The following SYTL1 variants were observed in gnomAD, a reference collection of about 807,000 sequenced individuals.
The protein encoded by SYTL1 is synaptotagmin like 1, also known as synaptotagmin-like protein 1.
SYTL1 carries 53 observed loss-of-function variants against 74.6 expected under a neutral mutation model. The ratio of observed to expected loss-of-function variants is 0.71; its 90% CI spans 0.57 to 0.89. SYTL1 has a LOEUF of 0.89. Ranked by LOEUF, SYTL1 falls within the 40% of genes least tolerant of loss-of-function variation. The probability of loss-of-function intolerance (pLI) is 0.00; values close to 1 mark genes in which losing one functional copy is unlikely to be tolerated. For missense variants in SYTL1, 728 were observed against 768.7 expected (o/e 0.95, Z 0.63); for synonymous variants, 329 against 324.9 (o/e 1.01, Z -0.14).
Position 27,350,554 on chromosome 1 carries a change from G to T in SYTL1, c.1005+69G>T. The T allele has an allele frequency of 7.4e-7, 1 of 1,354,380 alleles. No individual in the cohort carries two copies. The highest frequency in any genetic ancestry group is 1.0e-6 in the Non-Finnish European group (1 of 965,772). The allele number at this position is 1,354,380 out of a possible 1,614,324, so 83.9% of individuals were successfully genotyped here. Reference sequence around the variant, plus strand: ...CGCCCCCTTCCTGCGGGGCTAGGTGGCAAGGGCAGCCAGTAACGTCATTGC... The same window carrying T: ...CGCCCCCTTCCTGCGGGGCTAGGTGTCAAGGGCAGCCAGTAACGTCATTGC... On this transcript the variant is annotated intron_variant, in intron 10 of 14. Transcript: ENST00000616558. The surrounding 1 kb of genome is among the most constrained non-coding windows in gnomAD (Gnocchi z 6.3).
chr1:27,349,871 C>A (rs762937421), intron 8 of SYTL1, 101 bp from the exon 9 acceptor site: 125 of 1,534,586 alleles, frequency 8.1e-5, no homozygotes, highest in Admixed American at 1.9e-5. Context: ...TGCAGCCCCC[C>A]AGCCTGCCAC....
intron 13 of SYTL1, chr1:27,353,023 T>G: frequency 2.1e-6 from 1 of 478,658 alleles, no homozygotes; most frequent in South Asian, 2.2e-5. Context: ...TGACCTCAGG[T>G]GATCCACCCA....
Position 27,345,190 on chromosome 1 carries a change from G to C in SYTL1, c.-38-107G>C. The stretch of plus-strand genomic sequence containing the variant: ...CCTTGAGCTCAGCCATCCTGGGGTG[G>C]CACCCTACCCATACCCGGCCAAGTG... On this transcript the variant is annotated intron_variant, in intron 1 of 14. Transcript: ENST00000616558. This position sits in a 1 kb window ranked among gnomAD's most constrained non-coding sequence, Gnocchi z 6.0. The C allele has an allele frequency of 6.8e-6, 4 of 588,516 alleles. No individual in the cohort carries two copies. The South Asian group carries it at 1.0e-4, about 15-fold the overall frequency. The allele number at this position is 588,516 out of a possible 1,614,324, so 36.5% of individuals were successfully genotyped here.
chr1:27,345,168 T>G lies in SYTL1; in HGVS notation c.-38-129T>G. On this transcript the variant is annotated intron_variant, in intron 1 of 14. Coordinates refer to ENST00000616558, the MANE Select transcript of SYTL1 (RefSeq NM_001193308.2). This position sits in a 1 kb window ranked among gnomAD's most constrained non-coding sequence, Gnocchi z 6.0. ...TGCATGAGTGTCTCTCACCCCACCTTGAGCTCAGCCATCCTGGGGTGGCAC... is the reference window on the plus strand; with the variant it reads ...TGCATGAGTGTCTCTCACCCCACCTGGAGCTCAGCCATCCTGGGGTGGCAC... 8 of 533,842 alleles carry G rather than the reference T, an allele frequency of 1.5e-5. No homozygotes were observed. Among genetic ancestry groups the G allele is most frequent in the East Asian group, 6.5e-5 (2 of 30,842 alleles). 33.1% of individuals were successfully genotyped at this position (533,842 alleles called of 1,614,324 possible). A position where few individuals can be genotyped will look rare whatever the true frequency, so the allele number is the denominator to read the frequency against.
rs2015253529 is a variant in SYTL1, at chr1:27,351,157, C to T, written c.1165-101C>T. On this transcript the variant is annotated intron_variant, in intron 11 of 14. Transcript: ENST00000616558. The surrounding 1 kb of genome is among the most constrained non-coding windows in gnomAD (Gnocchi z 5.0). ...CCCTAGGTTCTGCCCCTGCAGGCCC[C>T]GCCGTCTCTTCTAGCCGCACCCCAT... 9 of 1,423,590 alleles carry T rather than the reference C, an allele frequency of 6.3e-6. No homozygotes were observed. The South Asian group carries it at 1.0e-4, about 16-fold the overall frequency. The allele number at this position is 1,423,590 out of a possible 1,614,324, so 88.2% of individuals were successfully genotyped here. A position where few individuals can be genotyped will look rare whatever the true frequency, so the allele number is the denominator to read the frequency against.
chr1:27,350,688 G>T lies in SYTL1; in HGVS notation c.1006-106G>T, dbSNP rs1363679059. 7.1e-7 allele frequency: 1 copy of T among 1,406,016 alleles called. No individual in the cohort carries two copies. The highest frequency in any genetic ancestry group is 1.9e-4 in the Middle Eastern group (1 of 5,320). The allele number at this position is 1,406,016 out of a possible 1,614,324, so 87.1% of individuals were successfully genotyped here. On this transcript the variant is annotated intron_variant, in intron 10 of 14. Coordinates refer to ENST00000616558, the MANE Select transcript of SYTL1 (RefSeq NM_001193308.2). This position sits in a 1 kb window ranked among gnomAD's most constrained non-coding sequence, Gnocchi z 6.3. ...CATTAATGCCCTTAGGGGCTCCCCA[G>T]AATTCCATCATGGTAGGAACGCGGT...
chr1:27,351,468 C>T lies in SYTL1; in HGVS notation c.1256C>T (p.Pro419Leu). Reference sequence around the variant, plus strand: ...AGCCTCTCCGCAGGCGCAGGACTGCCCCCGAGCGGGGAGCTGCACTTCTGG... The same window carrying T: ...AGCCTCTCCGCAGGCGCAGGACTGCTCCCGAGCGGGGAGCTGCACTTCTGG... ...VPAGSEGAGLPPSGELHFWVK... is the reference protein window; with the variant it reads ...VPAGSEGAGLLPSGELHFWVK... The change falls in exon 13 of 15, where the codon CCC (proline) becomes CTC (leucine). Residue 419 changes from proline to leucine, a missense_variant. Pro to Leu is a moderately conservative substitution (Grantham distance 98). Transcript: ENST00000616558. The surrounding 1 kb of genome is among the most constrained non-coding windows in gnomAD (Gnocchi z 5.0). 2 of 1,542,072 alleles carry T rather than the reference C, an allele frequency of 1.3e-6. No individual in the cohort carries two copies. Among genetic ancestry groups the T allele is most frequent in the African/African-American group, 2.7e-5 (2 of 72,908 alleles).
Position 27,350,498 on chromosome 1 carries a change from C to T in SYTL1, c.1005+13C>T, listed in dbSNP as rs2015220006. 2 of 1,601,326 alleles carry T rather than the reference C, an allele frequency of 1.2e-6. No homozygotes were observed. Among genetic ancestry groups the T allele is most frequent in the Non-Finnish European group, 1.7e-6 (2 of 1,170,426 alleles). On this transcript the variant is annotated intron_variant, in intron 10 of 14. Transcript: ENST00000616558. The surrounding 1 kb of genome is among the most constrained non-coding windows in gnomAD (Gnocchi z 6.3). The stretch of plus-strand genomic sequence containing the variant: ...CGAGACTCTCCGGGTGAGGCTGTGA[C>T]CACGATGCGGTTCCCCGTTAATGAA...
At chr1:27,344,823 G>A (rs1389303170) in intron 1 of SYTL1, 2 of 132,030 alleles carry the variant, frequency 1.5e-5, no homozygotes, top group Non-Finnish European at 3.1e-5. Context: ...TCCAGCCTGG[G>A]CAACAAAGCA....
In SYTL1 at chr1:27,347,750, G is replaced by A. The variant is rs1448120841; in HGVS notation, c.341-58G>A. On this transcript the variant is annotated intron_variant, in intron 3 of 14. Transcript: ENST00000616558. The surrounding 1 kb of genome is among the most constrained non-coding windows in gnomAD (Gnocchi z 4.9). ...GTGGGTATCTCCCAGGGCCTCTCCC[G>A]AGTCACAGCCAGGCTTCCTGAGCAT... is the stretch of plus-strand genomic sequence containing the variant. 12 of 1,576,698 alleles carry A rather than the reference G, an allele frequency of 7.6e-6. No homozygotes were observed. Among genetic ancestry groups the A allele is most frequent in the African/African-American group, 1.3e-5 (1 of 74,208 alleles).
chr1:27,349,504 C>T lies in SYTL1; in HGVS notation c.633+6C>T, dbSNP rs200782876. ...CGCGGCCCCAGCAAGCCCAGGTAGGCGGGAGTGGCCCGTGGCTGCTCTCAA... is the reference window on the plus strand; with the variant it reads ...CGCGGCCCCAGCAAGCCCAGGTAGGTGGGAGTGGCCCGTGGCTGCTCTCAA... On this transcript the variant is annotated splice_donor_region_variant and intron_variant, in intron 7 of 14. Transcript: ENST00000616558. 1.5e-5 allele frequency: 21 copies of T among 1,359,326 alleles called. No homozygotes were observed. The East Asian group carries it at 5.0e-4, about 32-fold the overall frequency. 84.2% of individuals were successfully genotyped at this position (1,359,326 alleles called of 1,614,324 possible).
Position 27,345,371 on chromosome 1 carries a change from T to A in SYTL1, c.37T>A (p.Trp13Arg), listed in dbSNP as rs755266417. 1.9e-5 allele frequency: 30 copies of A among 1,549,296 alleles called. 1 individual carries two copies. In the South Asian group the frequency reaches 3.5e-4, roughly 18 times the overall value. The change falls in exon 2 of 15, where the codon TGG becomes AGG. Residue 13 changes from tryptophan (W) to arginine (R), a missense_variant. Trp to Arg is a moderately radical substitution (Grantham distance 101, BLOSUM62 -3). Coordinates refer to ENST00000616558, the MANE Select transcript of SYTL1 (RefSeq NM_001193308.2). The surrounding 1 kb of genome is among the most constrained non-coding windows in gnomAD (Gnocchi z 6.0). ...GGGCCACCCATCGCAAGAGGGGCTT[T>A]GGGCTCTGCCCTCCCTCCCCATGGC... Reference protein sequence around the residue: ...QRGHPSQEGLWALPSLPMAHG... With the variant: ...QRGHPSQEGLRALPSLPMAHG...
chr1:27,349,950 T>A (rs2015181799), intron 8 of SYTL1, 22 bp from the exon 9 acceptor site: 1 of 1,568,550 alleles, frequency 6.4e-7, no homozygotes, highest in African/African-American at 1.4e-5. Flanking sequence ...CGGCCCTGAC[T>A]CCCACCCACT....
Position 27,350,326 on chromosome 1 carries a change from C to A in SYTL1, c.909-63C>A. On this transcript the variant is annotated intron_variant, in intron 9 of 14. Coordinates refer to ENST00000616558, the MANE Select transcript of SYTL1 (RefSeq NM_001193308.2). This position sits in a 1 kb window ranked among gnomAD's most constrained non-coding sequence, Gnocchi z 6.3. ...GTGTTCGGGATGGTGGCTGGGGGAG[C>A]CCACAGGCAGGGGAGAAGGCTCTGG... The A allele has an allele frequency of 1.3e-6, 2 of 1,532,682 alleles. No individual in the cohort carries two copies. The highest frequency in any genetic ancestry group is 1.8e-6 in the Non-Finnish European group (2 of 1,105,802). The allele number at this position is 1,532,682 out of a possible 1,614,324, so 94.9% of individuals were successfully genotyped here. A position where few individuals can be genotyped will look rare whatever the true frequency, so the allele number is the denominator to read the frequency against.
Position 27,348,079 on chromosome 1 carries a change from G to T in SYTL1, c.459+67G>T. ...GGGAGGTGGAATGTGCAGGGGGCAG[G>T]GGGGAAAGAGCCCCAGCCTGGGAAT... On this transcript the variant is annotated intron_variant, in intron 5 of 14. Coordinates refer to ENST00000616558, the MANE Select transcript of SYTL1 (RefSeq NM_001193308.2). The surrounding 1 kb of genome is among the most constrained non-coding windows in gnomAD (Gnocchi z 4.1). 3 of 1,512,620 alleles carry T rather than the reference G, an allele frequency of 2.0e-6. No individual in the cohort carries two copies. Among genetic ancestry groups the T allele is most frequent in the Non-Finnish European group, 2.8e-6 (3 of 1,088,508 alleles). 93.7% of individuals were successfully genotyped at this position (1,512,620 alleles called of 1,614,324 possible).
intron 13 of SYTL1, chr1:27,352,936 C>T (rs1202771904): frequency 7.1e-6 from 2 of 281,124 alleles, no homozygotes; most frequent in Non-Finnish European, 1.4e-5. Flanking sequence ...CAGGTGCATG[C>T]CACCATGCCC....
Position 27,347,629 on chromosome 1 carries a change from TG to T in SYTL1, c.340+62del. 6.3e-6 allele frequency: 10 copies of T among 1,583,330 alleles called. No individual in the cohort carries two copies. The South Asian group carries it at 9.2e-5, about 15-fold the overall frequency. On this transcript the variant is annotated intron_variant, in intron 3 of 14. Coordinates refer to ENST00000616558, the MANE Select transcript of SYTL1 (RefSeq NM_001193308.2). This position sits in a 1 kb window ranked among gnomAD's most constrained non-coding sequence, Gnocchi z 4.9. ...TGCCGTCCAGGGCGCTGGCTGTATG[TG>T]GACAGGGAGAGAGGACCACTAGGGC...
Position 27,350,682 on chromosome 1 carries a change from T to A in SYTL1, c.1006-112T>A. On this transcript the variant is annotated intron_variant, in intron 10 of 14. Coordinates refer to ENST00000616558, the MANE Select transcript of SYTL1 (RefSeq NM_001193308.2). This position sits in a 1 kb window ranked among gnomAD's most constrained non-coding sequence, Gnocchi z 6.3. Reference sequence around the variant, plus strand: ...GGTCCCCATTAATGCCCTTAGGGGCTCCCCAGAATTCCATCATGGTAGGAA... The same window carrying A: ...GGTCCCCATTAATGCCCTTAGGGGCACCCCAGAATTCCATCATGGTAGGAA... The A allele has an allele frequency of 7.4e-7, 1 of 1,343,056 alleles. No homozygotes were observed. The highest frequency in any genetic ancestry group is 1.3e-5 in the South Asian group (1 of 74,640). 83.2% of individuals were successfully genotyped at this position (1,343,056 alleles called of 1,614,324 possible).
chr1:27,346,122 C>G (rs778370816), intron 2 of SYTL1, among the ~76,000 whole-genome samples: 13 of 152,100 alleles, frequency 8.5e-5, no homozygotes, highest in Non-Finnish European at 1.8e-4. Flanking sequence ...TCCCCTGGCT[C>G]CCCAGTATCA....
Sources: allele counts gnomAD v4.1 joint callset (sites outside exome capture counted in the v4.1 genomes callset), GRCh38; gene constraint gnomAD v4.1.1; non-coding constraint Gnocchi (gnomAD v3.1); transcripts MANE v1.5; gene names NCBI Gene and HGNC (gene_info 2026-07-23, HGNC 2026-07-21).